Variants in AMMECR1L observed in about 807,000 individuals in gnomAD.
AMMECR1L encodes the protein AMMECR1 like.
AMMECR1L carries 4 observed loss-of-function variants against 36.8 expected under a neutral mutation model. The observed-to-expected ratio is 0.11, with a 90% CI of 0.05 to 0.25. The LOEUF (loss-of-function observed/expected upper bound fraction) is 0.25, where lower values mean the gene tolerates loss of function less well. Ranked by LOEUF, AMMECR1L falls within the 10% of genes least tolerant of loss-of-function variation. The probability of loss-of-function intolerance (pLI) is 1.00; values close to 1 mark genes in which losing one functional copy is unlikely to be tolerated. For missense variants in AMMECR1L, 232 were observed against 392.1 expected, an observed-to-expected ratio of 0.59 and a Z score of 3.45; for synonymous variants, 147 against 148.0, an observed-to-expected ratio of 0.99 and a Z score of 0.05.
At chr2:127,875,384 G>A (rs766723295) in intron 2 of AMMECR1L, among the ~76,000 whole-genome samples, 1 of 152,086 alleles carries the variant, frequency 6.6e-6, no homozygotes, top group African/African-American at 2.4e-5. Flanking sequence ...AGAGAAAGAA[G>A]GGCAAGTGGG....
Position 127,870,889 on chromosome 2 carries a change from C to T in AMMECR1L, c.558G>A (p.Glu186=), listed in dbSNP as rs201651923. The T allele has an allele frequency of 5.6e-6, 9 of 1,613,710 alleles. No individual in the cohort carries two copies. Among genetic ancestry groups the T allele is most frequent in the Non-Finnish European group, 7.6e-6 (9 of 1,179,884 alleles). ...CAGAGCAGAAAAGTTTAGGCAGCTC[C>T]TCTCGGGTCAGGGGGGGAAATCGGC... is the stretch of plus-strand genomic sequence containing the variant. The part of the protein sequence containing the change: ...KDSRFPPLTR[E]ELPKLFCSVS... Residue 186 remains glutamate, a synonymous_variant, in exon 5 of 8, where the codon GAG becomes GAA. Coordinates refer to ENST00000272647, the MANE Select transcript of AMMECR1L (RefSeq NM_001199140.2).
Position 127,865,641 on chromosome 2 carries a change from G to A in AMMECR1L, c.822-436C>T, listed in dbSNP as rs1690654458. On this transcript the variant is annotated intron_variant, in intron 7 of 7. Transcript: ENST00000272647. This position sits in a 1 kb window ranked among gnomAD's most constrained non-coding sequence, Gnocchi z 5.4. ...AGAAATGCAACCTCAATTCGCGTAA[G>A]AGCAACAAACAAGTTATTATAACTA... is the stretch of plus-strand genomic sequence containing the variant. 6.6e-6 allele frequency among the ~76,000 whole-genome samples: 1 copy of A among 152,206 alleles called. No homozygotes were observed. Among genetic ancestry groups the A allele is most frequent in the African/African-American group, 2.4e-5 (1 of 41,442 alleles).
Position 127,869,574 on chromosome 2 carries a change from G to C in AMMECR1L, c.634-30C>G. 2.0e-6 allele frequency: 3 copies of C among 1,530,440 alleles called. No homozygotes were observed. The highest frequency in any genetic ancestry group is 2.7e-6 in the Non-Finnish European group (3 of 1,103,942). The allele number at this position is 1,530,440 out of a possible 1,614,324, so 94.8% of individuals were successfully genotyped here. ...AGAAAAAAGTACAACCAAGTAAATG[G>C]CATTTACTTACTCTAATGGAACTTC... On this transcript the variant is annotated intron_variant, in intron 5 of 7. Transcript: ENST00000272647. This position sits in a 1 kb window ranked among gnomAD's most constrained non-coding sequence, Gnocchi z 4.7.
chr2:127,882,525 T>C (rs1413311072), intron 2 of AMMECR1L, among the ~76,000 whole-genome samples: 1 of 152,182 alleles, frequency 6.6e-6, no homozygotes, highest in Non-Finnish European at 1.5e-5. Flanking sequence ...GAAACCCCCA[T>C]CATACACACA....
intron 2 of AMMECR1L, among the ~76,000 whole-genome samples, chr2:127,878,697 C>T (rs1180598801): frequency 2.0e-5 from 3 of 152,198 alleles, no homozygotes; most frequent in Non-Finnish European, 4.4e-5. Flanking sequence ...TGATTTTACA[C>T]AGTTGTGTTT....
rs747794072 is a variant in AMMECR1L, at chr2:127,863,972, G to A, written c.*1122C>T. 6 of 152,326 alleles carry A rather than the reference G, an allele frequency of 3.9e-5. No individual in the cohort carries two copies. Among genetic ancestry groups the A allele is most frequent in the Non-Finnish European group, 8.8e-5 (6 of 68,048 alleles). 9.4% of individuals were successfully genotyped at this position (152,326 alleles called of 1,614,324 possible). A position where few individuals can be genotyped will look rare whatever the true frequency, so the allele number is the denominator to read the frequency against. On this transcript the variant is annotated 3_prime_UTR_variant, in exon 8 of 8. Coordinates refer to ENST00000272647, the MANE Select transcript of AMMECR1L (RefSeq NM_001199140.2). Reference sequence around the variant, plus strand: ...TGAAGATTCCCAGCATGTCAGGCAAGATAAAGGTCCACCTTGTGTAATTAC... The same window carrying A: ...TGAAGATTCCCAGCATGTCAGGCAAAATAAAGGTCCACCTTGTGTAATTAC...
chr2:127,878,500 G>A (rs917196527), intron 2 of AMMECR1L, among the ~76,000 whole-genome samples: 8 of 141,458 alleles, frequency 5.7e-5, no homozygotes, highest in Admixed American at 3.5e-4. Context: ...GCTAAATGTC[G>A]TGAGATAGAG....
chr2:127,874,561 C>T lies in AMMECR1L; in HGVS notation c.-38-289G>A, dbSNP rs1179802690. On this transcript the variant is annotated intron_variant, in intron 2 of 7. Transcript: ENST00000272647. The surrounding 1 kb of genome is among the most constrained non-coding windows in gnomAD (Gnocchi z 5.2). ...GAAGACAGGGTGGGGCACCAGCCAG[C>T]GTGAAGCTGGCTGAGGACATTTCCA... Among the ~76,000 whole-genome samples, 3 of 152,216 alleles carry T rather than the reference C, an allele frequency of 2.0e-5. No individual in the cohort carries two copies. The highest frequency in any genetic ancestry group is 4.4e-5 in the Non-Finnish European group (3 of 68,034).
intron 2 of AMMECR1L, among the ~76,000 whole-genome samples, chr2:127,875,055 CCAGA>C (rs1409257481): frequency 3.9e-5 from 6 of 152,226 alleles, no homozygotes; most frequent in African/African-American, 1.4e-4. Context: ...TCATAGCCAG[CCAGA>C]CAGATACAAA....
At chr2:127,879,025 C>G (rs1164696507) in intron 2 of AMMECR1L, among the ~76,000 whole-genome samples, 2 of 152,224 alleles carry the variant, frequency 1.3e-5, no homozygotes, top group Non-Finnish European at 2.9e-5. Flanking sequence ...TATGGCCAAT[C>G]TTACTTCATC....
rs979326286 is a variant in AMMECR1L, at chr2:127,885,302, G to T, written c.-149+508C>A. ...ACAGGGTGAAAGGTGAGAAACGAGG[G>T]TATGAGGAAAGAGGGTCCGGGGCGC... On this transcript the variant is annotated intron_variant, in intron 1 of 7. Coordinates refer to ENST00000272647, the MANE Select transcript of AMMECR1L (RefSeq NM_001199140.2). 5 of 984,726 alleles carry T rather than the reference G, an allele frequency of 5.1e-6. No homozygotes were observed. The Admixed American group carries it at 1.8e-4, about 36-fold the overall frequency. The allele number at this position is 984,726 out of a possible 1,614,324, so 61.0% of individuals were successfully genotyped here.
intron 1 of AMMECR1L, chr2:127,885,356 G>A: frequency 1.0e-6 from 1 of 983,680 alleles, no homozygotes; most frequent in Non-Finnish European, 1.2e-6. Flanking sequence ...ATGGAGCGAC[G>A]GGTAGAGCAG....
intron 2 of AMMECR1L, among the ~76,000 whole-genome samples, chr2:127,882,613 AGACAGGGTCTCCGTC>A (rs557010370): frequency 9.7e-4 from 147 of 152,266 alleles, no homozygotes; most frequent in Middle Eastern, 3.4e-3. Flanking sequence ...TTTGTTTTGG[AGACAGGGTCTCCGTC>A]TGCGGTCCAG....
intron 5 of AMMECR1L, 67 bp downstream of exon 5, chr2:127,870,747 T>A: frequency 1.7e-6 from 2 of 1,209,684 alleles, no homozygotes. Flanking sequence ...AGGAGATACA[T>A]TGCCATGTAC....
At chr2:127,867,025 C>A in intron 6 of AMMECR1L, 29 bp from the exon 7 acceptor site, 1 of 1,613,060 alleles carries the variant, frequency 6.2e-7, no homozygotes, top group South Asian at 1.1e-5. Context: ...ACACTGAGGT[C>A]AATGCACATG....
Position 127,873,700 on chromosome 2 carries a change from A to G in AMMECR1L, c.407+128T>C. 2 of 1,563,442 alleles carry G rather than the reference A, an allele frequency of 1.3e-6. No homozygotes were observed. The highest frequency in any genetic ancestry group is 1.7e-6 in the Non-Finnish European group (2 of 1,166,222). ...AAATATTCTCTGGACATTTCTTATC[A>G]TTCTCTTCCCATTACCCTTTCCTCA... On this transcript the variant is annotated intron_variant, in intron 3 of 7. Coordinates refer to ENST00000272647, the MANE Select transcript of AMMECR1L (RefSeq NM_001199140.2). This position sits in a 1 kb window ranked among gnomAD's most constrained non-coding sequence, Gnocchi z 5.2.
intron 2 of AMMECR1L, among the ~76,000 whole-genome samples, chr2:127,877,020 AAT>A (rs10559478): frequency 0.49 from 71,242 of 144,766 alleles, 18,693 homozygotes; most frequent in African/African-American, 0.68. Flanking sequence ...TCTGTCTCCA[AAT>A]ATATATATAT....
intron 3 of AMMECR1L, chr2:127,872,860 TA>T: frequency 2.3e-6 from 1 of 431,122 alleles, no homozygotes; most frequent in Non-Finnish European, 3.1e-6. Flanking sequence ...AGGTGTTTTC[TA>T]ACCATGTTAC....
rs1480465890 is a variant in AMMECR1L at position 127,862,894 on chromosome 2, A to G, written c.*2200T>C. On this transcript the variant is annotated 3_prime_UTR_variant, in exon 8 of 8. Coordinates refer to ENST00000272647, the MANE Select transcript of AMMECR1L (RefSeq NM_001199140.2). Reference sequence around the variant, plus strand: ...AAATAAAATAAAATAAAATAAAATAATAAAATAAAATAACATACCATACAT... The same window carrying G: ...AAATAAAATAAAATAAAATAAAATAGTAAAATAAAATAACATACCATACAT... 1 of 152,342 alleles carries G rather than the reference A, an allele frequency of 6.6e-6. No homozygotes were observed. The highest frequency in any genetic ancestry group is 2.4e-5 in the African/African-American group (1 of 41,462). 9.4% of individuals were successfully genotyped at this position (152,342 alleles called of 1,614,324 possible).
Sources: allele counts gnomAD v4.1 joint callset (sites outside exome capture counted in the v4.1 genomes callset), GRCh38; gene constraint gnomAD v4.1.1; non-coding constraint Gnocchi (gnomAD v3.1); transcripts MANE v1.5; gene names NCBI Gene and HGNC (gene_info 2026-07-23, HGNC 2026-07-21).